The following WWOX variants were observed in gnomAD, a reference collection of about 807,000 sequenced individuals.
The protein encoded by WWOX is WW domain containing oxidoreductase, also known as WW domain-containing oxidoreductase.
In WWOX, 69 loss-of-function variants were observed where a neutral mutation model predicts 46.2. The ratio of observed to expected loss-of-function variants is 1.49; its 90% CI spans 1.23 to 1.82. The LOEUF is 1.82. Among genes scored for constraint, WWOX ranks in the 40% most tolerant of loss-of-function variants. The pLI, the probability that WWOX is intolerant of heterozygous loss-of-function variation, is 0.00. For missense variants in WWOX, 919 were observed against 542.6 expected (o/e 1.69, Z -6.89); for synonymous variants, 359 against 202.6 (o/e 1.77, Z -6.56).
chr16:78,371,140 GTA>G (rs893361224), intron 5 of WWOX, among the ~76,000 whole-genome samples: 3 of 151,920 alleles, frequency 2.0e-5, no homozygotes, highest in Non-Finnish European at 4.4e-5. Context: ...TTTTACTTAA[GTA>G]TATGAGTTAA....
At chr16:78,634,101 C>G (rs909892663) in intron 8 of WWOX, among the ~76,000 whole-genome samples, 9 of 152,078 alleles carry the variant, frequency 5.9e-5, no homozygotes, top group Non-Finnish European at 8.8e-5. Context: ...GTTGGAGATG[C>G]AGCTATATGA....
In WWOX at chr16:78,955,788, C is replaced by T. The variant is rs182826123; in HGVS notation, c.1057-255820C>T. Among the ~76,000 whole-genome samples, 24 of 151,154 alleles carry T rather than the reference C, an allele frequency of 1.6e-4. 1 individual carries two copies. Among genetic ancestry groups the T allele is most frequent in the East Asian group, 4.0e-4 (2 of 5,012 alleles). On this transcript the variant is annotated intron_variant, in intron 8 of 8. Transcript: ENST00000566780. ...TCAGCCTCCCGAGTAGCTGGGACTA[C>T]GGTTGTACATCACCACCTCTGGCTA...
intron 8 of WWOX, among the ~76,000 whole-genome samples, chr16:78,902,461 T>C (rs541582503): frequency 6.6e-6 from 1 of 152,178 alleles, no homozygotes; most frequent in South Asian, 2.1e-4. Context: ...GGCTAAGAGG[T>C]GGATGAAAGG....
chr16:79,110,729 G>A (rs148820381), intron 8 of WWOX: 1 of 152,296 alleles, frequency 6.6e-6, no homozygotes, highest in East Asian at 1.9e-4. Context: ...GAAGAAATAT[G>A]GGATGTTTTG....
At chr16:78,871,085 C>G (rs1054821458) in intron 8 of WWOX, among the ~76,000 whole-genome samples, 1 of 151,618 alleles carries the variant, frequency 6.6e-6, no homozygotes, top group Non-Finnish European at 1.5e-5. Flanking sequence ...CTCATAGAAG[C>G]AATTCAGTAA....
intron 5 of WWOX, among the ~76,000 whole-genome samples, chr16:78,177,027 C>G (rs529587131): frequency 7.9e-5 from 12 of 152,176 alleles, no homozygotes; most frequent in Non-Finnish European, 1.6e-4. Flanking sequence ...CACCCCAGAC[C>G]TACTAGGTAA....
At chr16:78,979,848 G>A (rs1448525550) in intron 8 of WWOX, among the ~76,000 whole-genome samples, 3 of 152,190 alleles carry the variant, frequency 2.0e-5, no homozygotes, top group Non-Finnish European at 4.4e-5. Context: ...AATCAACGTG[G>A]CTGGGTGCAG....
At chr16:78,121,280 T>C (rs1156871293) in intron 4 of WWOX, among the ~76,000 whole-genome samples, 2 of 152,222 alleles carry the variant, frequency 1.3e-5, no homozygotes, top group Non-Finnish European at 2.9e-5. Context: ...CCTACTATTA[T>C]CTTATGCTAA....
intron 8 of WWOX, among the ~76,000 whole-genome samples, chr16:79,020,877 G>A (rs942361511): frequency 1.3e-5 from 2 of 152,124 alleles, no homozygotes; most frequent in Admixed American, 1.3e-4. Flanking sequence ...AAAGCAGGCA[G>A]CCTGCTGTTT....
intron 8 of WWOX, among the ~76,000 whole-genome samples, chr16:78,747,021 C>G (rs1253613525): frequency 1.3e-5 from 2 of 152,200 alleles, no homozygotes; most frequent in African/African-American, 2.4e-5. Flanking sequence ...GCCTGCCTCT[C>G]AGTTTATTTC....
chr16:78,414,477 G>C (rs905901589), intron 6 of WWOX, among the ~76,000 whole-genome samples: 1 of 152,204 alleles, frequency 6.6e-6, no homozygotes. Context: ...GTTGAGGCAC[G>C]AGGATCACTT....
intron 8 of WWOX, among the ~76,000 whole-genome samples, chr16:78,787,198 T>A (rs557169436): frequency 1.4e-4 from 21 of 152,268 alleles, no homozygotes; most frequent in African/African-American, 5.1e-4. Flanking sequence ...ACTTTGACCA[T>A]TTTAAAGTGT....
At position 78,341,937 on chromosome 16, in the gene WWOX, A is replaced by G. The variant is rs1475240539; in HGVS notation, c.517-44923A>G. Among the ~76,000 whole-genome samples, 2 of 109,778 alleles carry G rather than the reference A, an allele frequency of 1.8e-5. 1 individual carries two copies. The highest frequency in any genetic ancestry group is 4.3e-5 in the Non-Finnish European group (2 of 46,674). 72.0% of individuals were successfully genotyped at this position (109,778 alleles called of 152,430 possible). A position where few individuals can be genotyped will look rare whatever the true frequency, so the allele number is the denominator to read the frequency against. ...TGAAGACTAGCCTTGGCAACATAGC[A>G]AGACCTCATCTCTACTTGGAAAAAA... On this transcript the variant is annotated intron_variant, in intron 5 of 8. Transcript: ENST00000566780.
At chr16:78,740,362 T>A (rs2049189307) in intron 8 of WWOX, among the ~76,000 whole-genome samples, 1 of 152,288 alleles carries the variant, frequency 6.6e-6, no homozygotes, top group African/African-American at 2.4e-5. Context: ...TGAAGCACAG[T>A]AAATGCTGAC....
chr16:79,212,267 C>T lies in WWOX; in HGVS notation c.*471C>T. 1 of 1,263,304 alleles carries T rather than the reference C, an allele frequency of 7.9e-7. No homozygotes were observed. Among genetic ancestry groups the T allele is most frequent in the South Asian group, 1.6e-5 (1 of 62,076 alleles). The allele number at this position is 1,263,304 out of a possible 1,614,324, so 78.3% of individuals were successfully genotyped here. ...TGATCCAGGAGATAATTGTTTCATT[C>T]ATCCTGACCAAGACTGAGCCAGCTT... On this transcript the variant is annotated 3_prime_UTR_variant, in exon 9 of 9. Transcript: ENST00000566780.
At chr16:79,141,106 C>T (rs1043920583) in intron 8 of WWOX, among the ~76,000 whole-genome samples, 13 of 152,198 alleles carry the variant, frequency 8.5e-5, no homozygotes, top group Admixed American at 7.9e-4. Context: ...CCATTCTACT[C>T]GAAGTCACCC....
intron 8 of WWOX, among the ~76,000 whole-genome samples, chr16:78,952,777 C>T (rs1428868716): frequency 6.6e-6 from 1 of 152,150 alleles, no homozygotes; most frequent in Non-Finnish European, 1.5e-5. Flanking sequence ...CGTATCCCTA[C>T]TGCCCAGCAG....
intron 8 of WWOX, among the ~76,000 whole-genome samples, chr16:78,779,108 A>G (rs1034762475): frequency 3.9e-5 from 6 of 152,090 alleles, no homozygotes; most frequent in African/African-American, 1.4e-4. Context: ...TCTTCTACAT[A>G]TCTCAGTGTT....
chr16:78,208,507 C>A (rs987353663), intron 5 of WWOX, among the ~76,000 whole-genome samples: 1 of 152,136 alleles, frequency 6.6e-6, no homozygotes, highest in Non-Finnish European at 1.5e-5. Context: ...ATACGTGGCA[C>A]TATTTTTTCT....
Sources: gnomAD v4.1 joint callset for allele counts (sites outside exome capture counted in the v4.1 genomes callset) on GRCh38, gnomAD v4.1.1 for gene constraint, MANE v1.5 for transcripts, NCBI Gene and HGNC (gene_info 2026-07-23, HGNC 2026-07-21) for gene names.